Variants in SYTL3 observed in about 807,000 individuals in gnomAD.
SYTL3 encodes the protein synaptotagmin like 3, also known as synaptotagmin-like protein 3.
SYTL3 carries 88 observed loss-of-function variants against 82.1 expected under a neutral mutation model. The observed-to-expected ratio is 1.07, with a 90% CI of 0.90 to 1.28. The LOEUF (loss-of-function observed/expected upper bound fraction) is 1.28, where lower values mean the gene tolerates loss of function less well. Among genes scored for constraint, SYTL3 ranks in the 50% most tolerant of loss-of-function variants. The pLI, the probability that SYTL3 is intolerant of heterozygous loss-of-function variation, is 0.00. For missense variants in SYTL3, 831 were observed against 757.6 expected (o/e 1.10, Z -1.14); for synonymous variants, 311 against 289.4 (o/e 1.07, Z -0.76).
chr6:158,731,872 C>T (rs938099409), intron 11 of SYTL3, among the ~76,000 whole-genome samples: 2 of 152,214 alleles, frequency 1.3e-5, no homozygotes, highest in Admixed American at 1.3e-4. Flanking sequence ...GGATTACAGG[C>T]GTGAGCCACC....
chr6:158,740,767 G>A (rs1786825988), intron 11 of SYTL3, among the ~76,000 whole-genome samples: 1 of 152,154 alleles, frequency 6.6e-6, no homozygotes, highest in South Asian at 2.1e-4. Flanking sequence ...AGTCCTTGTG[G>A]TTGGACCGTG....
intron 5 of SYTL3, among the ~76,000 whole-genome samples, chr6:158,679,349 G>A (rs577892281): frequency 4.6e-5 from 7 of 151,700 alleles, no homozygotes; most frequent in African/African-American, 1.2e-4. Context: ...CAGCCTGGGC[G>A]ATAGAATGAG....
At chr6:158,758,914 C>T (rs542607353) in intron 14 of SYTL3, among the ~76,000 whole-genome samples, 1 of 152,346 alleles carries the variant, frequency 6.6e-6, no homozygotes, top group South Asian at 2.1e-4. Flanking sequence ...GCTCCTGCCC[C>T]AGCCACGTTG....
At position 158,670,530 on chromosome 6, in the gene SYTL3, C is replaced by T. The variant is rs570916215; in HGVS notation, c.329+4917C>T. ...GGCATGGTGGCTCATGCCTGTAATCCCAGCACTTTGGGAGGCTGAGGCGGG... is the reference window on the plus strand; with the variant it reads ...GGCATGGTGGCTCATGCCTGTAATCTCAGCACTTTGGGAGGCTGAGGCGGG... On this transcript the variant is annotated intron_variant, in intron 5 of 17. Transcript: ENST00000611299. 7.9e-4 allele frequency among the ~76,000 whole-genome samples: 120 copies of T among 152,224 alleles called. 1 individual carries two copies. Among genetic ancestry groups the T allele is most frequent in the African/African-American group, 2.6e-3 (107 of 41,536 alleles).
chr6:158,711,868 C>CA (rs1245341190), intron 8 of SYTL3, among the ~76,000 whole-genome samples: 2 of 152,242 alleles, frequency 1.3e-5, no homozygotes, highest in East Asian at 3.9e-4. Flanking sequence ...CTCTTGTTGC[C>CA]ATCTTGGTTT....
At chr6:158,708,173 G>T in intron 7 of SYTL3, 149 bp from the exon 8 acceptor site, 1 of 713,704 alleles carries the variant, frequency 1.4e-6, no homozygotes, top group Non-Finnish European at 2.5e-6. Flanking sequence ...TCCAAGCAGG[G>T]CTGCTGGCTA....
intron 5 of SYTL3, among the ~76,000 whole-genome samples, chr6:158,666,922 C>T (rs555794780): frequency 3.3e-5 from 5 of 152,314 alleles, no homozygotes; most frequent in African/African-American, 1.2e-4. Context: ...TGGCCGAATT[C>T]GCCTTCTCAT....
intron 6 of SYTL3, among the ~76,000 whole-genome samples, chr6:158,690,756 G>T (rs189459522): frequency 6.6e-6 from 1 of 152,162 alleles, no homozygotes; most frequent in Admixed American, 6.5e-5. Flanking sequence ...TGGATATTTA[G>T]TTTTGTGGTC....
chr6:158,740,833 C>T (rs1288088765), intron 11 of SYTL3, among the ~76,000 whole-genome samples: 1 of 152,104 alleles, frequency 6.6e-6, no homozygotes, highest in African/African-American at 2.4e-5. Flanking sequence ...AAAGTAGGAT[C>T]CATTACAATC....
intron 13 of SYTL3, among the ~76,000 whole-genome samples, chr6:158,755,785 C>T (rs112659250): frequency 2.0e-5 from 3 of 152,310 alleles, no homozygotes; most frequent in South Asian, 2.1e-4. Flanking sequence ...AGCCGTGTCA[C>T]GAGGAGTCAC....
intron 11 of SYTL3, among the ~76,000 whole-genome samples, chr6:158,729,224 A>G (rs1446279415): frequency 3.3e-5 from 5 of 152,286 alleles, no homozygotes; most frequent in Non-Finnish European, 4.4e-5. Context: ...TTTATAAACA[A>G]TAGAAATTTA....
intron 5 of SYTL3, among the ~76,000 whole-genome samples, chr6:158,679,482 C>T (rs1055869799): frequency 2.0e-5 from 3 of 152,094 alleles, no homozygotes; most frequent in African/African-American, 7.2e-5. Flanking sequence ...AATGGACACC[C>T]GGGCCAAACC....
At chr6:158,718,964 G>A (rs1783749445) in intron 10 of SYTL3, among the ~76,000 whole-genome samples, 1 of 152,180 alleles carries the variant, frequency 6.6e-6, no homozygotes, top group African/African-American at 2.4e-5. Context: ...TTAGGCGAGG[G>A]TGTGAGGTCA....
intron 11 of SYTL3, among the ~76,000 whole-genome samples, chr6:158,733,964 G>T (rs1386702897): frequency 6.6e-6 from 1 of 151,732 alleles, no homozygotes; most frequent in African/African-American, 2.4e-5. Context: ...CAGGCGTGAT[G>T]GCGGGCGCCT....
intron 13 of SYTL3, among the ~76,000 whole-genome samples, chr6:158,755,747 G>C (rs185341977): frequency 1.3e-5 from 2 of 152,360 alleles, no homozygotes; most frequent in Admixed American, 1.3e-4. Context: ...TGCTGCAAAT[G>C]GGTGCAAGTG....
At chr6:158,759,599 C>A (rs1465089141) in intron 14 of SYTL3, among the ~76,000 whole-genome samples, 1 of 152,190 alleles carries the variant, frequency 6.6e-6, no homozygotes, top group Non-Finnish European at 1.5e-5. Context: ...GTGGCGTGAT[C>A]TTGGCTCACT....
upstream of SYTL3, among the ~76,000 whole-genome samples, chr6:158,648,367 G>A (rs530942707): frequency 4.0e-4 from 61 of 152,006 alleles, no homozygotes; most frequent in African/African-American, 1.3e-3. Flanking sequence ...CGAGGCGGGC[G>A]GATCACGAGG....
chr6:158,707,398 C>A, intron 7 of SYTL3, 117 bp downstream of exon 7: 2 of 546,606 alleles, frequency 3.7e-6, no homozygotes, highest in Non-Finnish European at 6.0e-6. Flanking sequence ...GAATGTGACT[C>A]TTTTTTTTTT....
intron 13 of SYTL3, among the ~76,000 whole-genome samples, chr6:158,753,596 G>A (rs892953506): frequency 6.6e-6 from 1 of 151,894 alleles, no homozygotes; most frequent in Non-Finnish European, 1.5e-5. Context: ...CGGGCGTGGT[G>A]GCGGGCGCCT....
Sources: allele counts gnomAD v4.1 joint callset (sites outside exome capture counted in the v4.1 genomes callset), GRCh38; gene constraint gnomAD v4.1.1; transcripts MANE v1.5; gene names NCBI Gene and HGNC (gene_info 2026-07-23, HGNC 2026-07-21).